The following ANKEF1 variants were observed in gnomAD, a reference collection of about 807,000 sequenced individuals.
ANKEF1 encodes ankyrin repeat and EF-hand domain-containing protein 1.
A neutral mutation model predicts 65.1 loss-of-function variants in ANKEF1; 43 were observed. The ratio of observed to expected loss-of-function variants is 0.66; its 90% CI spans 0.52 to 0.85. The LOEUF (loss-of-function observed/expected upper bound fraction) is 0.85, where lower values mean the gene tolerates loss of function less well. Ranked by LOEUF, ANKEF1 falls within the 40% of genes least tolerant of loss-of-function variation. The pLI is 0.00. For synonymous variants in ANKEF1, 316 were observed against 341.5 expected (o/e 0.93, Z 0.82); for missense variants, 934 against 952.9 (o/e 0.98, Z 0.26).
chr20:10,048,804 C>A (rs1984664190), intron 6 of ANKEF1, among the ~76,000 whole-genome samples: 1 of 152,060 alleles, frequency 6.6e-6, no homozygotes, highest in Admixed American at 6.6e-5. Flanking sequence ...ATGCTGAACT[C>A]CTCAGATTTA....
rs1232813724 is a variant in ANKEF1 at position 10,054,505 on chromosome 20, G to A, written c.2078G>A (p.Gly693Glu). The change falls in exon 10 of 11, where the codon GGA (glycine) becomes GAA (glutamate). Residue 693 changes from glycine to glutamate, a missense_variant. Gly to Glu is a moderately conservative substitution (Grantham distance 98). Transcript: ENST00000378392. ...TATGGTGTACCAACCACATCAGAGG[G>A]AAAGAAAGTACAGAAGGGTAATGTG... ...SIYGVPTTSE[G>E]KKVQKGNVVH... The A allele has an allele frequency of 1.2e-6, 2 of 1,606,306 alleles. No individual in the cohort carries two copies. The highest frequency in any genetic ancestry group is 1.1e-5 in the South Asian group (1 of 89,450).
chr20:10,049,323 T>A (rs1042166323), intron 6 of ANKEF1, 67 bp from the exon 7 acceptor site: 6 of 1,389,848 alleles, frequency 4.3e-6, no homozygotes, highest in Non-Finnish European at 4.9e-6. Context: ...AACAGTTGGA[T>A]GAGTGTCACT....
intron 9 of ANKEF1, among the ~76,000 whole-genome samples, chr20:10,054,206 G>A (rs547217378): frequency 1.3e-5 from 2 of 152,198 alleles, no homozygotes; most frequent in Admixed American, 6.5e-5. Flanking sequence ...CATTTTAGTA[G>A]GCCACAGATC....
rs1488833328 is a variant in ANKEF1 at position 10,049,891 on chromosome 20, A to G, written c.1322A>G (p.Tyr441Cys). Reference protein sequence around the residue: ...LPLPICVIPEYAFPRRQDGGP... With the variant: ...LPLPICVIPECAFPRRQDGGP... Reference sequence around the variant, plus strand: ...CTTCCAATCTGTGTCATTCCTGAGTACGCGTTTCCACGCCGGCAGGATGGT... The same window carrying G: ...CTTCCAATCTGTGTCATTCCTGAGTGCGCGTTTCCACGCCGGCAGGATGGT... The change falls in exon 7 of 11, where the codon TAC (tyrosine) becomes TGC (cysteine). Residue 441 changes from tyrosine (Y) to cysteine (C), a missense_variant. Physicochemically the swap from Tyr to Cys is radical, Grantham distance 194. Coordinates refer to ENST00000378392, the MANE Select transcript of ANKEF1 (RefSeq NM_022096.6). 3 of 1,614,218 alleles carry G rather than the reference A, an allele frequency of 1.9e-6. No individual in the cohort carries two copies. The highest frequency in any genetic ancestry group is 4.5e-5 in the East Asian group (2 of 44,874).
intron 8 of ANKEF1, 152 bp from the exon 9 acceptor site, chr20:10,052,960 T>C (rs1984950863): frequency 6.9e-6 from 4 of 583,258 alleles, no homozygotes; most frequent in Non-Finnish European, 1.1e-5. Context: ...GAAAATCTGA[T>C]CTAGCTCTGT....
chr20:10,041,185 G>T (rs1353469965), intron 3 of ANKEF1, among the ~76,000 whole-genome samples: 1 of 151,600 alleles, frequency 6.6e-6, no homozygotes, highest in East Asian at 1.9e-4. Context: ...TGAAAGTATT[G>T]TCATATATGG....
chr20:10,042,725 C>G (rs986717876), intron 3 of ANKEF1, among the ~76,000 whole-genome samples: 3 of 152,218 alleles, frequency 2.0e-5, no homozygotes, highest in African/African-American at 7.2e-5. Context: ...CCAGTACCAT[C>G]TCTTTTGCCA....
At position 10,044,496 on chromosome 20, in the gene ANKEF1, G is replaced by T. The variant is rs139520957; in HGVS notation, c.649G>T (p.Asp217Tyr). ...RGGEVNAFDN[D>Y]RHHAAHFAAK... ...AGGTGAAGTGAATGCATTTGACAAC[G>T]ACAGGCATCACGCTGCTCATTTTGC... Residue 217 changes from aspartate (D) to tyrosine (Y), a missense_variant, in exon 5 of 11, where the codon GAC becomes TAC. Coordinates refer to ENST00000378392, the MANE Select transcript of ANKEF1 (RefSeq NM_022096.6). 2.5e-6 allele frequency: 4 copies of T among 1,614,102 alleles called. No homozygotes were observed. The highest frequency in any genetic ancestry group is 3.4e-6 in the Non-Finnish European group (4 of 1,180,002).
In ANKEF1 at chr20:10,055,818, C is replaced by T; in HGVS notation, c.*158C>T. The T allele has an allele frequency of 2.9e-6, 2 of 678,674 alleles. No homozygotes were observed. The allele number at this position is 678,674 out of a possible 1,614,324, so 42.0% of individuals were successfully genotyped here. A position where few individuals can be genotyped will look rare whatever the true frequency, so the allele number is the denominator to read the frequency against. On this transcript the variant is annotated 3_prime_UTR_variant, in exon 11 of 11. Coordinates refer to ENST00000378392, the MANE Select transcript of ANKEF1 (RefSeq NM_022096.6). ...AACAACTATAAATATTCTTAGCTGT[C>T]TAGAGAAAAGATGTATGTTATTTTG...
At chr20:10,046,802 T>C (rs150867103) in intron 6 of ANKEF1, among the ~76,000 whole-genome samples, 4 of 152,286 alleles carry the variant, frequency 2.6e-5, no homozygotes, top group Admixed American at 2.6e-4. Context: ...AGACACAAAA[T>C]TTTAGAAGTC....
chr20:10,045,003 C>A (rs1480615965), intron 5 of ANKEF1, among the ~76,000 whole-genome samples: 1 of 152,176 alleles, frequency 6.6e-6, no homozygotes, highest in African/African-American at 2.4e-5. Flanking sequence ...AAGAATATCT[C>A]ACTGATACAG....
At chr20:10,051,553 G>T in intron 7 of ANKEF1, 110 bp from the exon 8 acceptor site, 1 of 815,910 alleles carries the variant, frequency 1.2e-6, no homozygotes, top group Non-Finnish European at 1.9e-6. Flanking sequence ...ATGGCACAAA[G>T]TTTACAATTT....
At chr20:10,035,551 G>A (rs1983790544) in intron 1 of ANKEF1, 28 bp from the exon 2 acceptor site, 1 of 152,230 alleles carries the variant, frequency 6.6e-6, no homozygotes, top group Non-Finnish European at 1.5e-5. Context: ...GTTTTACAAG[G>A]ATCATATCTC....
chr20:10,035,354 T>C (rs1043629549), intron 1 of ANKEF1, 21 bp downstream of exon 1: 4 of 152,440 alleles, frequency 2.6e-5, no homozygotes, highest in Admixed American at 2.6e-4. Flanking sequence ...CACATGGCTT[T>C]TCCTTTGACG....
chr20:10,051,446 G>C (rs681750), intron 7 of ANKEF1, among the ~76,000 whole-genome samples: 24 of 152,002 alleles, frequency 1.6e-4, no homozygotes, highest in African/African-American at 5.3e-4. Flanking sequence ...TTTGCAAATC[G>C]TAATCCCTAG....
At chr20:10,040,176 C>T (rs942996683) in intron 3 of ANKEF1, among the ~76,000 whole-genome samples, 1 of 152,208 alleles carries the variant, frequency 6.6e-6, no homozygotes, top group African/African-American at 2.4e-5. Context: ...TGCCTGCAGC[C>T]CTCACTCTGC....
At chr20:10,037,481 C>G (rs1048098107) in intron 2 of ANKEF1, among the ~76,000 whole-genome samples, 3 of 152,156 alleles carry the variant, frequency 2.0e-5, no homozygotes, top group African/African-American at 7.2e-5. Flanking sequence ...GGATGGTTCC[C>G]TCAAATGGGC....
intron 3 of ANKEF1, 74 bp downstream of exon 3, chr20:10,038,721 T>C (rs1302486395): frequency 6.7e-5 from 80 of 1,199,426 alleles, no homozygotes; most frequent in Non-Finnish European, 9.2e-5. Flanking sequence ...TGGACTCTTT[T>C]TGTTTTCCAA....
intron 6 of ANKEF1, among the ~76,000 whole-genome samples, chr20:10,048,090 G>A (rs900042501): frequency 3.9e-5 from 6 of 152,034 alleles, no homozygotes; most frequent in South Asian, 2.1e-4. Context: ...GAATTACTAC[G>A]CTATGGAATT....
Sources: gnomAD v4.1 joint callset for allele counts (sites outside exome capture counted in the v4.1 genomes callset) on GRCh38, gnomAD v4.1.1 for gene constraint, MANE v1.5 for transcripts, NCBI Gene and HGNC (gene_info 2026-07-23, HGNC 2026-07-21) for gene names.